The following HRG variants were observed in gnomAD, a reference collection of about 807,000 sequenced individuals.
HRG encodes the protein histidine rich glycoprotein, also known as histidine-rich glycoprotein.
In HRG, 26 loss-of-function variants were observed where a neutral mutation model predicts 29.5. That is an observed-to-expected ratio of 0.88 (90% CI 0.65 to 1.22). The LOEUF (loss-of-function observed/expected upper bound fraction) is 1.22. Among genes scored for constraint, HRG ranks in the 50% most tolerant of loss-of-function variants. The pLI is 0.00. For missense variants in HRG, 671 were observed against 654.5 expected (o/e 1.03, Z -0.28); for synonymous variants, 243 against 240.4 (o/e 1.01, Z -0.10).
chr3:186,675,137 G>T lies in HRG; in HGVS notation c.688G>T (p.Asp230Tyr). 1 of 1,613,974 alleles carries T rather than the reference G, an allele frequency of 6.2e-7. No individual in the cohort carries two copies. Among genetic ancestry groups the T allele is most frequent in the Non-Finnish European group, 8.5e-7 (1 of 1,179,892 alleles). The change falls in exon 6 of 7, where the codon GAC (aspartate) becomes TAC (tyrosine). Residue 230 changes from aspartate (D) to tyrosine (Y), a missense_variant. Coordinates refer to ENST00000232003, the MANE Select transcript of HRG (RefSeq NM_000412.5). ...TTTGTTCTATGATGTAGAAGCCTTG[G>T]ACTTGGAAAGCCCGAAAAACCTTGT... The part of the protein sequence containing the change: ...ADLFYDVEAL[D>Y]LESPKNLVIN...
At chr3:186,669,107 C>G in intron 2 of HRG, 56 bp downstream of exon 2, 1 of 997,018 alleles carries the variant, frequency 1.0e-6, no homozygotes, top group Non-Finnish European at 1.6e-6. Context: ...TCCATCTACT[C>G]TGTTCACTCA....
chr3:186,666,225 G>C lies in HRG; in HGVS notation c.183+11G>C. 1 of 1,613,450 alleles carries C rather than the reference G, an allele frequency of 6.2e-7. No individual in the cohort carries two copies. The highest frequency in any genetic ancestry group is 8.5e-7 in the Non-Finnish European group (1 of 1,179,742). ...CACTTGGACAGAGTGGTGAGGAATT[G>C]CCAATGGCAGAGCTGAGTTGGGAGA... On this transcript the variant is annotated intron_variant, in intron 1 of 6. Coordinates refer to ENST00000232003, the MANE Select transcript of HRG (RefSeq NM_000412.5).
In HRG at chr3:186,669,957, T is replaced by G. The variant is rs900821866; in HGVS notation, c.320T>G (p.Val107Gly). 1 of 1,591,162 alleles carries G rather than the reference T, an allele frequency of 6.3e-7. No homozygotes were observed. Among genetic ancestry groups the G allele is most frequent in the African/African-American group, 1.3e-5 (1 of 74,568 alleles). ...PSEIVIGQCK[V>G]IATRHSHESQ... is the part of the protein sequence containing the mutation. Reference sequence around the variant, plus strand: ...TTACAGGTGATCGGACAATGTAAGGTAATAGCTACAAGACATTCCCATGAA... The same window carrying G: ...TTACAGGTGATCGGACAATGTAAGGGAATAGCTACAAGACATTCCCATGAA... Residue 107 changes from valine to glycine, a missense_variant, in exon 3 of 7, where the codon GTA (valine) becomes GGA (glycine). Physicochemically the swap from Val to Gly is moderately radical, Grantham distance 109. Coordinates refer to ENST00000232003, the MANE Select transcript of HRG (RefSeq NM_000412.5).
At chr3:186,666,341 C>T (rs1046343084) in intron 1 of HRG, 127 bp downstream of exon 1, 18 of 897,130 alleles carry the variant, frequency 2.0e-5, no homozygotes, top group Middle Eastern at 3.3e-4. Context: ...TTGGCTTCTG[C>T]GGCTGCTCTA....
intron 5 of HRG, chr3:186,673,908 G>A (rs570676621): frequency 2.6e-5 from 4 of 152,278 alleles, no homozygotes; most frequent in African/African-American, 9.6e-5. Context: ...TTATTGCCAG[G>A]AGAGCCTCAT....
chr3:186,675,207 G>C lies in HRG; in HGVS notation c.741+17G>C. The C allele has an allele frequency of 6.5e-7, 1 of 1,549,810 alleles. No homozygotes were observed. Among genetic ancestry groups the C allele is most frequent in the Non-Finnish European group, 8.9e-7 (1 of 1,122,062 alleles). On this transcript the variant is annotated intron_variant, in intron 6 of 6. Coordinates refer to ENST00000232003, the MANE Select transcript of HRG (RefSeq NM_000412.5). ...GACCCTCAGGTGGGTTGTCTAAGCAGACTTTGTCATGGCAGTGCCAGATTA... is the reference window on the plus strand; with the variant it reads ...GACCCTCAGGTGGGTTGTCTAAGCACACTTTGTCATGGCAGTGCCAGATTA...
chr3:186,672,661 A>C (rs1718839070), intron 4 of HRG, 126 bp from the exon 5 acceptor site: 2 of 719,792 alleles, frequency 2.8e-6, no homozygotes, highest in Admixed American at 4.1e-5. Flanking sequence ...ATTTTAAAAA[A>C]TGACACATAC....
At chr3:186,667,677 A>G (rs946996073) in intron 1 of HRG, among the ~76,000 whole-genome samples, 1 of 151,990 alleles carries the variant, frequency 6.6e-6, no homozygotes, top group Non-Finnish European at 1.5e-5. Context: ...TTCCTGGTGA[A>G]TTCCTGGCAC....
At chr3:186,672,321 T>C (rs1718826485) in intron 4 of HRG, among the ~76,000 whole-genome samples, 1 of 152,228 alleles carries the variant, frequency 6.6e-6, no homozygotes, top group African/African-American at 2.4e-5. Context: ...ATGAGTACCA[T>C]GCAGTTGCTC....
chr3:186,669,776 T>G, intron 2 of HRG, 162 bp from the exon 3 acceptor site: 1 of 674,188 alleles, frequency 1.5e-6, no homozygotes. Flanking sequence ...ACACAGAAAC[T>G]GACTAAGAAA....
intron 3 of HRG, 25 bp downstream of exon 3, chr3:186,670,053 A>T (rs762967594): frequency 1.7e-6 from 2 of 1,175,204 alleles, no homozygotes; most frequent in East Asian, 4.7e-5. Flanking sequence ...TAAATTGCTA[A>T]TTAATTCTTG....
intron 4 of HRG, among the ~76,000 whole-genome samples, chr3:186,672,388 T>G (rs1191020265): frequency 6.6e-6 from 1 of 152,178 alleles, no homozygotes; most frequent in Non-Finnish European, 1.5e-5. Context: ...TATAGGAAAA[T>G]GCAGGTTATA....
At chr3:186,667,783 A>G (rs921296897) in intron 1 of HRG, among the ~76,000 whole-genome samples, 1 of 152,070 alleles carries the variant, frequency 6.6e-6, no homozygotes, top group African/African-American at 2.4e-5. Context: ...TGGGCTCTGG[A>G]GCAGGCATCA....
Position 186,677,832 on chromosome 3 carries a change from G to C in HRG, c.1527G>C (p.Lys509Asn). Residue 509 changes from lysine to asparagine, a missense_variant, in exon 7 of 7, where the codon AAG becomes AAC. Coordinates refer to ENST00000232003, the MANE Select transcript of HRG (RefSeq NM_000412.5). ...SVSESCPGKF[K>N]SGFPQVSMFF... The stretch of plus-strand genomic sequence containing the variant: ...CTGAATCATGTCCAGGGAAGTTCAA[G>C]AGTGGGTTTCCACAAGTTTCCATGT... 2 of 1,614,156 alleles carry C rather than the reference G, an allele frequency of 1.2e-6. No homozygotes were observed. Among genetic ancestry groups the C allele is most frequent in the Middle Eastern group, 1.6e-4 (1 of 6,062 alleles).
intron 6 of HRG, among the ~76,000 whole-genome samples, chr3:186,675,905 T>G: frequency 6.8e-6 from 1 of 146,168 alleles, no homozygotes. Context: ...GTTTTGCTCT[T>G]ATTGCCCAGG....
chr3:186,672,665 C>T, intron 4 of HRG, 122 bp from the exon 5 acceptor site: 1 of 726,068 alleles, frequency 1.4e-6, no homozygotes, highest in East Asian at 2.7e-5. Context: ...TAAAAAATGA[C>T]ACATACTGGT....
In HRG at chr3:186,677,637, T is replaced by G. The variant is rs1239422249; in HGVS notation, c.1332T>G (p.Gly444=). 5 of 1,614,098 alleles carry G rather than the reference T, an allele frequency of 3.1e-6. No homozygotes were observed. The highest frequency in any genetic ancestry group is 4.2e-6 in the Non-Finnish European group (5 of 1,180,020). The change falls in exon 7 of 7, where the codon GGT becomes GGG. Residue 444 remains glycine (G), a synonymous_variant. Coordinates refer to ENST00000232003, the MANE Select transcript of HRG (RefSeq NM_000412.5). ...PPGHLRRRGP[G]KGPRPFHCRQ... is the part of the protein sequence containing the mutation. ...GGCACTTAAGAAGGCGAGGCCCAGG[T>G]AAAGGACCCCGTCCCTTCCATTGCA... is the stretch of plus-strand genomic sequence containing the variant.
chr3:186,669,185 G>A, intron 2 of HRG, 134 bp downstream of exon 2: 2 of 758,088 alleles, frequency 2.6e-6, no homozygotes, highest in East Asian at 2.5e-5. Context: ...TGAAGATGAT[G>A]TTAACCTTGA....
chr3:186,675,062 C>T lies in HRG; in HGVS notation c.640-27C>T, dbSNP rs759743764. On this transcript the variant is annotated intron_variant, in intron 5 of 6. Coordinates refer to ENST00000232003, the MANE Select transcript of HRG (RefSeq NM_000412.5). ...CATCTTCACACCACCTGGACACACACACTAACAGCTCCTCATTCCTTTGTA... is the reference window on the plus strand; with the variant it reads ...CATCTTCACACCACCTGGACACACATACTAACAGCTCCTCATTCCTTTGTA... 22 of 1,472,812 alleles carry T rather than the reference C, an allele frequency of 1.5e-5. No individual in the cohort carries two copies. In the South Asian group the frequency reaches 2.5e-4, roughly 17 times the overall value. 91.2% of individuals were successfully genotyped at this position (1,472,812 alleles called of 1,614,324 possible).
Sources: gnomAD v4.1 joint callset for allele counts (sites outside exome capture counted in the v4.1 genomes callset) on GRCh38, gnomAD v4.1.1 for gene constraint, MANE v1.5 for transcripts, NCBI Gene and HGNC (gene_info 2026-07-23, HGNC 2026-07-21) for gene names.